Variants in LIMCH1 observed in about 807,000 individuals in gnomAD.
LIMCH1 encodes LIM and calponin homology domains 1, also known as LIM and calponin homology domains-containing protein 1.
A neutral mutation model predicts 176.5 loss-of-function variants in LIMCH1; 113 were observed. The ratio of observed to expected loss-of-function variants is 0.64; its 90% CI spans 0.55 to 0.75. The LOEUF (loss-of-function observed/expected upper bound fraction) is 0.75. Among genes scored for constraint, LIMCH1 ranks in the 30% least tolerant of loss-of-function variants. The pLI is 0.00. For synonymous variants in LIMCH1, 619 were observed against 645.9 expected, an observed-to-expected ratio of 0.96 and a Z score of 0.63; for missense variants, 1,674 against 1,814.9, an observed-to-expected ratio of 0.92 and a Z score of 1.41.
intron 2 of LIMCH1, among the ~76,000 whole-genome samples, chr4:41,506,314 C>T (rs2074151174): frequency 6.6e-6 from 1 of 152,146 alleles, no homozygotes; most frequent in African/African-American, 2.4e-5. Flanking sequence ...AGATTCTTGT[C>T]ATGATTTCAG....
At chr4:41,611,325 C>T (rs2091386407) in intron 4 of LIMCH1, among the ~76,000 whole-genome samples, 2 of 152,162 alleles carry the variant, frequency 1.3e-5, no homozygotes, top group African/African-American at 2.4e-5. Flanking sequence ...GTGATGTTTA[C>T]ACAACAATGA....
intron 2 of LIMCH1, among the ~76,000 whole-genome samples, chr4:41,502,999 G>A (rs151038094): frequency 4.1e-4 from 57 of 138,414 alleles, no homozygotes; most frequent in Non-Finnish European, 7.3e-4. Flanking sequence ...TGGTCTGTCT[G>A]TCCATCCATC....
intron 22 of LIMCH1, among the ~76,000 whole-genome samples, chr4:41,673,928 G>A (rs7664405): frequency 0.027 from 4,038 of 152,186 alleles, 89 homozygotes; most frequent in Middle Eastern, 0.088. Flanking sequence ...GCATATATTG[G>A]TCACTTTTCC....
intron 18 of LIMCH1, among the ~76,000 whole-genome samples, chr4:41,653,698 C>G (rs955775387): frequency 4.6e-5 from 7 of 152,190 alleles, no homozygotes; most frequent in Non-Finnish European, 8.8e-5. Flanking sequence ...AAGGGCGGCC[C>G]GAGACCTGCT....
chr4:41,413,531 T>C (rs1161923960), intron 1 of LIMCH1, among the ~76,000 whole-genome samples: 1 of 146,254 alleles, frequency 6.8e-6, no homozygotes, highest in Non-Finnish European at 1.5e-5. Context: ...AGAGATGGGG[T>C]CTTGCTTTGT....
At chr4:41,652,224 A>G (rs999817313) in intron 18 of LIMCH1, among the ~76,000 whole-genome samples, 2 of 152,176 alleles carry the variant, frequency 1.3e-5, no homozygotes, top group Non-Finnish European at 2.9e-5. Context: ...TTCCTTTATG[A>G]TTAGTCTTTT....
At chr4:41,613,764 TC>T in intron 5 of LIMCH1, 103 bp downstream of exon 5, 1 of 952,970 alleles carries the variant, frequency 1.0e-6, no homozygotes, top group East Asian at 2.5e-5. Context: ...AGGCTCCATA[TC>T]CACCTTGCCG....
intron 1 of LIMCH1, among the ~76,000 whole-genome samples, chr4:41,402,717 A>G (rs1384704558): frequency 6.7e-6 from 1 of 148,900 alleles, no homozygotes; most frequent in Non-Finnish European, 1.5e-5. Context: ...TCAGTAAACT[A>G]TCGCAAGGAC....
chr4:41,426,249 C>A (rs2061089431), intron 1 of LIMCH1, among the ~76,000 whole-genome samples: 1 of 151,862 alleles, frequency 6.6e-6, no homozygotes, highest in Admixed American at 6.6e-5. Flanking sequence ...TCTCGATCTC[C>A]TGACCTCGTG....
chr4:41,677,182 A>G (rs1341346558), intron 23 of LIMCH1, among the ~76,000 whole-genome samples: 1 of 150,888 alleles, frequency 6.6e-6, no homozygotes, highest in Non-Finnish European at 1.5e-5. Context: ...AGCCGATGTG[A>G]GTGGATCACC....
Position 41,426,494 on chromosome 4 carries a change from T to G in LIMCH1, c.96+65558T>G, listed in dbSNP as rs147100738. Among the ~76,000 whole-genome samples, 6 of 152,372 alleles carry G rather than the reference T, an allele frequency of 3.9e-5. No homozygotes were observed. In the East Asian group the frequency reaches 1.2e-3, roughly 29 times the overall value. ...GAATCATGACTTTATCCTGGCAATT[T>G]TACTTTAGAAATATTATATGCTTAG... On this transcript the variant is annotated intron_variant, in intron 1 of 26. Transcript: ENST00000313860.
intron 1 of LIMCH1, chr4:41,551,070 C>G (rs1237827223): frequency 1.3e-5 from 2 of 152,140 alleles, no homozygotes; most frequent in Admixed American, 6.6e-5. Flanking sequence ...TGGAGACTAA[C>G]TCTTTGATTC....
chr4:41,594,760 A>AAC (rs2088399754), intron 1 of LIMCH1, among the ~76,000 whole-genome samples: 1 of 152,160 alleles, frequency 6.6e-6, no homozygotes, highest in African/African-American at 2.4e-5. Context: ...CTGCACGCTG[A>AAC]ACACAGCATG....
rs578227047 is a variant in LIMCH1, at chr4:41,613,239, T to A, written c.10-227T>A. ...AATATGAGTTATTTGGGGATTTTTT[T>A]AAAAAAAACGTTGTGCATGATTTTC... is the stretch of plus-strand genomic sequence containing the variant. On this transcript the variant is annotated intron_variant, in intron 4 of 31. Transcript: ENST00000503057. 1,095 of 927,134 alleles carry A rather than the reference T, an allele frequency of 1.2e-3. 11 individuals are homozygous for A. The African/African-American group carries it at 0.016, about 13-fold the overall frequency. 57.4% of individuals were successfully genotyped at this position (927,134 alleles called of 1,614,324 possible).
chr4:41,632,200 C>T (rs1421461082), intron 10 of LIMCH1, among the ~76,000 whole-genome samples: 4 of 152,152 alleles, frequency 2.6e-5, no homozygotes, highest in Non-Finnish European at 2.9e-5. Flanking sequence ...TGTGTAAAAC[C>T]GGATTGCCCT....
intron 1 of LIMCH1, among the ~76,000 whole-genome samples, chr4:41,438,810 A>G (rs59121710): frequency 0.014 from 2,090 of 152,302 alleles, 52 homozygotes; most frequent in African/African-American, 0.047. Flanking sequence ...CAGTTGGCCA[A>G]CACCTAAACA....
intron 1 of LIMCH1, among the ~76,000 whole-genome samples, chr4:41,580,686 A>G (rs2085269819): frequency 6.6e-6 from 1 of 152,144 alleles, no homozygotes; most frequent in Admixed American, 6.5e-5. Context: ...TAAAAGCTGA[A>G]ATTAAAGGGA....
chr4:41,640,172 C>T (rs1409748048), intron 14 of LIMCH1, among the ~76,000 whole-genome samples: 1 of 152,184 alleles, frequency 6.6e-6, no homozygotes, highest in Non-Finnish European at 1.5e-5. Flanking sequence ...ACTGACTGCA[C>T]AGAGTTAAGT....
chr4:41,628,922 C>T (rs549357757), intron 8 of LIMCH1, among the ~76,000 whole-genome samples: 14 of 152,320 alleles, frequency 9.2e-5, no homozygotes, highest in South Asian at 2.1e-4. Context: ...ATGAAGCAGA[C>T]GTTGAGTTTA....
Sources: allele counts gnomAD v4.1 joint callset (sites outside exome capture counted in the v4.1 genomes callset), GRCh38; gene constraint gnomAD v4.1.1; transcripts MANE v1.5; gene names NCBI Gene and HGNC (gene_info 2026-07-23, HGNC 2026-07-21).